Variants in NUP210 observed in about 807,000 individuals in gnomAD.
NUP210 encodes the protein nuclear pore membrane glycoprotein 210.
In NUP210, 151 loss-of-function variants were observed where a neutral mutation model predicts 196.0. The observed-to-expected ratio is 0.77, with a 90% CI of 0.67 to 0.88. NUP210 has a LOEUF of 0.88. Ranked by LOEUF, NUP210 falls within the 40% of genes least tolerant of loss-of-function variation. The pLI is 0.00. For missense variants in NUP210, 2,314 were observed against 2,493.7 expected (o/e 0.93, Z 1.53); for synonymous variants, 1,070 against 1,052.7 (o/e 1.02, Z -0.32).
intron 4 of NUP210, among the ~76,000 whole-genome samples, 190 bp downstream of exon 4, chr3:13,391,021 C>A (rs1484681278): frequency 6.6e-6 from 1 of 152,218 alleles, no homozygotes; most frequent in East Asian, 1.9e-4. Flanking sequence ...GCAGAAGCAG[C>A]CAGGCTCCCG....
chr3:13,326,032 G>T (rs1450289987), intron 32 of NUP210, 101 bp from the exon 33 acceptor site: 3 of 1,473,616 alleles, frequency 2.0e-6, no homozygotes, highest in African/African-American at 2.8e-5. Context: ...GCTGGCTGCC[G>T]CTACCCCCAT....
In NUP210 at chr3:13,338,006, G is replaced by A. The variant is rs868542241; in HGVS notation, c.3472-89C>T. ...GGACCCCTCAAGGGAAGCAGGCTGC[G>A]GCTCAGAGTCTGTGGCGAGAAGGCC... On this transcript the variant is annotated intron_variant, in intron 25 of 39. Transcript: ENST00000254508. 3.1e-5 allele frequency: 39 copies of A among 1,247,924 alleles called. No individual in the cohort carries two copies. The Middle Eastern group carries it at 9.4e-4, about 30-fold the overall frequency. The allele number at this position is 1,247,924 out of a possible 1,614,324, so 77.3% of individuals were successfully genotyped here.
intron 13 of NUP210, among the ~76,000 whole-genome samples, chr3:13,370,851 G>A (rs1341923789): frequency 6.6e-6 from 1 of 152,192 alleles, no homozygotes; most frequent in East Asian, 1.9e-4. Flanking sequence ...CTTCCTAAAC[G>A]CTGCCAGGAT....
At chr3:13,383,224 C>A in intron 6 of NUP210, among the ~76,000 whole-genome samples, 1 of 152,202 alleles carries the variant, frequency 6.6e-6, no homozygotes, top group East Asian at 1.9e-4. Flanking sequence ...GTTTTGCTAG[C>A]TCGGCCCCTC....
chr3:13,381,419 TC>T (rs1699094633), intron 6 of NUP210, among the ~76,000 whole-genome samples: 1 of 80,872 alleles, frequency 1.2e-5, no homozygotes, highest in Non-Finnish European at 2.4e-5. Context: ...TCTTTTCTTT[TC>T]TTTTTTTTTT....
At chr3:13,338,051 A>G (rs1005769303) in intron 25 of NUP210, 134 bp from the exon 26 acceptor site, 3 of 766,578 alleles carry the variant, frequency 3.9e-6, no homozygotes, top group African/African-American at 1.8e-5. Context: ...GACCAGCACC[A>G]TGCTCCTCTG....
In NUP210 at chr3:13,318,972, G is replaced by A. The variant is rs933923023; in HGVS notation, c.5563+100C>T. 73 of 1,175,248 alleles carry A rather than the reference G, an allele frequency of 6.2e-5. 1 individual carries two copies. The highest frequency in any genetic ancestry group is 2.8e-4 in the Middle Eastern group (1 of 3,608). 72.8% of individuals were successfully genotyped at this position (1,175,248 alleles called of 1,614,324 possible). A position where few individuals can be genotyped will look rare whatever the true frequency, so the allele number is the denominator to read the frequency against. On this transcript the variant is annotated intron_variant, in intron 39 of 39. Coordinates refer to ENST00000254508, the MANE Select transcript of NUP210 (RefSeq NM_024923.4). ...TCAGGCTCCTTTGGCCCAGGCAAGG[G>A]CCTGTTGAGACTTAGGGTTCAGGAG...
chr3:13,376,575 A>T, intron 9 of NUP210, 144 bp from the exon 10 acceptor site: 2 of 799,814 alleles, frequency 2.5e-6, no homozygotes, highest in Non-Finnish European at 4.0e-6. Flanking sequence ...CACTAGCAGC[A>T]GACGGGTGGG....
chr3:13,364,828 C>CA (rs564904804), intron 14 of NUP210, among the ~76,000 whole-genome samples: 238 of 151,552 alleles, frequency 1.6e-3, no homozygotes, highest in Non-Finnish European at 2.8e-3. Flanking sequence ...AACTCTGTCT[C>CA]AAAAAAAATA....
chr3:13,337,504 G>C (rs1697263876), intron 26 of NUP210, among the ~76,000 whole-genome samples: 1 of 152,240 alleles, frequency 6.6e-6, no homozygotes, highest in Non-Finnish European at 1.5e-5. Context: ...AGATGGTTCT[G>C]ACACCAGCCT....
In NUP210 at chr3:13,376,410, GCA is replaced by G; in HGVS notation, c.1172_1173del (p.Val391AlafsTer4). 1 of 1,614,260 alleles carries G rather than the reference GCA, an allele frequency of 6.2e-7. No individual in the cohort carries two copies. The highest frequency in any genetic ancestry group is 2.2e-5 in the East Asian group (1 of 44,884). ...YVSDNIRIETVLPAEFFEVLS... is the reference protein window; with the variant it reads ...YVSDNIRIETXLPAEFFEVLS... ...AGCACCTCGAAGAACTCAGCAGGAAGCACAGTTTCAATTCGGATGTTCTGGAA... is the reference window on the plus strand; with the variant it reads ...AGCACCTCGAAGAACTCAGCAGGAAGCAGTTTCAATTCGGATGTTCTGGAA... On this transcript the variant is annotated frameshift_variant, in exon 10 of 40. Coordinates refer to ENST00000254508, the MANE Select transcript of NUP210 (RefSeq NM_024923.4). LOFTEE classifies it high-confidence loss of function.
chr3:13,334,909 A>T (rs1414815700), intron 28 of NUP210, among the ~76,000 whole-genome samples: 3 of 152,182 alleles, frequency 2.0e-5, no homozygotes, highest in African/African-American at 7.2e-5. Flanking sequence ...CAGACAGGGC[A>T]CAGTCCCCAG....
chr3:13,335,241 T>A (rs761223534), intron 28 of NUP210, among the ~76,000 whole-genome samples: 15 of 152,200 alleles, frequency 9.9e-5, no homozygotes, highest in Non-Finnish European at 2.1e-4. Context: ...ATTACTCCTC[T>A]GTGAAGCCTT....
At chr3:13,318,666 C>G (rs1246604400) in intron 39 of NUP210, among the ~76,000 whole-genome samples, 1 of 152,156 alleles carries the variant, frequency 6.6e-6, no homozygotes, top group East Asian at 1.9e-4. Context: ...ACAGTTAGAC[C>G]ATTGAAATAA....
Position 13,379,864 on chromosome 3 carries a change from G to A in NUP210, c.818-143C>T, listed in dbSNP as rs187910111. On this transcript the variant is annotated intron_variant, in intron 6 of 39. Transcript: ENST00000254508. The surrounding 1 kb of genome is among the most constrained non-coding windows in gnomAD (Gnocchi z 4.2). ...ACGCATTTTCTTAATTGTTTTCAGT[G>A]CTTTAAATGTTAATATTGTTCTGCA... 1.2e-3 allele frequency: 740 copies of A among 637,858 alleles called. 2 individuals carry two copies. The highest frequency in any genetic ancestry group is 1.7e-3 in the Admixed American group (47 of 27,940). The allele number at this position is 637,858 out of a possible 1,614,324, so 39.5% of individuals were successfully genotyped here. A position where few individuals can be genotyped will look rare whatever the true frequency, so the allele number is the denominator to read the frequency against.
intron 29 of NUP210, 87 bp downstream of exon 29, chr3:13,332,206 C>G: frequency 9.3e-7 from 1 of 1,072,464 alleles, no homozygotes; most frequent in Non-Finnish European, 1.4e-6. Context: ...TGAAAGTACC[C>G]ATGGCTCCTG....
intron 15 of NUP210, among the ~76,000 whole-genome samples, chr3:13,358,894 C>A (rs1698277535): frequency 6.6e-6 from 1 of 152,194 alleles, no homozygotes; most frequent in African/African-American, 2.4e-5. Flanking sequence ...CTGCCCTCCG[C>A]CTGCTCATGC....
chr3:13,330,623 G>C lies in NUP210; in HGVS notation c.3947C>G (p.Ala1316Gly), dbSNP rs764131314. 5 of 1,613,980 alleles carry C rather than the reference G, an allele frequency of 3.1e-6. No homozygotes were observed. In the African/African-American group the frequency reaches 4.0e-5, roughly 13 times the overall value. ...IKLQTNRDGA[A>G]SLSYRVLDGP... ...ATCCAGGACGCGGTAGCTCAGAGAGGCTGCACCATCCCTTTGGAAAACAAA... is the reference window on the plus strand; with the variant it reads ...ATCCAGGACGCGGTAGCTCAGAGAGCCTGCACCATCCCTTTGGAAAACAAA... Residue 1316 changes from alanine (A) to glycine (G), a missense_variant, in exon 30 of 40, where the codon GCC (alanine) becomes GGC (glycine). Transcript: ENST00000254508.
At position 13,337,912 on chromosome 3, in the gene NUP210, G is replaced by A. The variant is rs202204981; in HGVS notation, c.3477C>T (p.Leu1159=). Residue 1159 remains leucine, a synonymous_variant, in exon 26 of 40, where the codon CTC becomes CTT. Coordinates refer to ENST00000254508, the MANE Select transcript of NUP210 (RefSeq NM_024923.4). ...TTAGCAGCAGCACCTCCACCTGCACGAGGTCCTGGGGAAACAGGGTGGCAC... is the reference window on the plus strand; with the variant it reads ...TTAGCAGCAGCACCTCCACCTGCACAAGGTCCTGGGGAAACAGGGTGGCAC... ...TGKVVIISQD[L]VQVEVLLLRA... 35 of 1,612,618 alleles carry A rather than the reference G, an allele frequency of 2.2e-5. No individual in the cohort carries two copies. In the Admixed American group the frequency reaches 3.3e-4, roughly 15 times the overall value.
Sources: allele counts gnomAD v4.1 joint callset (sites outside exome capture counted in the v4.1 genomes callset), GRCh38; gene constraint gnomAD v4.1.1; non-coding constraint Gnocchi (gnomAD v3.1); transcripts MANE v1.5; gene names NCBI Gene and HGNC (gene_info 2026-07-23, HGNC 2026-07-21).